Variants in DOK6 observed in about 807,000 individuals in gnomAD.
The protein encoded by DOK6 is docking protein 6.
A neutral mutation model predicts 44.0 loss-of-function variants in DOK6; 22 were observed. That is an observed-to-expected ratio of 0.50 (90% confidence interval 0.36 to 0.71). The LOEUF is 0.71. Ranked by LOEUF, DOK6 falls within the 30% of genes least tolerant of loss-of-function variation. The pLI, the probability that DOK6 is intolerant of heterozygous loss-of-function variation, is 0.00. For synonymous variants in DOK6, 166 were observed against 145.5 expected (o/e 1.14, Z -1.01); for missense variants, 340 against 416.4 (o/e 0.82, Z 1.60).
chr18:69,513,515 C>A (rs545751480), intron 1 of DOK6, among the ~76,000 whole-genome samples: 1 of 152,304 alleles, frequency 6.6e-6, no homozygotes, highest in East Asian at 1.9e-4. Context: ...AAAAAGATAA[C>A]CCTTTGTTTT....
At chr18:69,785,607 G>C (rs886870064) in intron 7 of DOK6, among the ~76,000 whole-genome samples, 2 of 152,110 alleles carry the variant, frequency 1.3e-5, no homozygotes, top group Non-Finnish European at 2.9e-5. Context: ...TTTTCCATTA[G>C]TTCATGGGTA....
chr18:69,717,722 C>T (rs370476969), intron 5 of DOK6, among the ~76,000 whole-genome samples: 111 of 152,256 alleles, frequency 7.3e-4, no homozygotes, highest in African/African-American at 2.6e-3. Context: ...AGCTGTGCCT[C>T]CTGATCTGAT....
intron 3 of DOK6, among the ~76,000 whole-genome samples, chr18:69,650,217 T>A (rs1210620390): frequency 6.6e-6 from 1 of 152,182 alleles, no homozygotes; most frequent in Non-Finnish European, 1.5e-5. Context: ...CGTGGTTGGT[T>A]GATTTTATGT....
intron 2 of DOK6, among the ~76,000 whole-genome samples, chr18:69,578,132 T>A (rs1983281460): frequency 6.6e-6 from 1 of 152,154 alleles, no homozygotes; most frequent in Non-Finnish European, 1.5e-5. Flanking sequence ...TGGGATTGAC[T>A]TAGAGTATAT....
At chr18:69,443,783 T>C (rs1979202035) in intron 1 of DOK6, among the ~76,000 whole-genome samples, 1 of 152,156 alleles carries the variant, frequency 6.6e-6, no homozygotes, top group Non-Finnish European at 1.5e-5. Context: ...TATTTAGACA[T>C]AGACCCATAG....
intron 4 of DOK6, among the ~76,000 whole-genome samples, chr18:69,697,537 C>T (rs1986415341): frequency 6.6e-6 from 1 of 151,872 alleles, no homozygotes; most frequent in African/African-American, 2.4e-5. Flanking sequence ...AGATATGGTG[C>T]TAGGAACTAG....
chr18:69,630,320 G>T (rs1984661073), intron 3 of DOK6, among the ~76,000 whole-genome samples: 1 of 151,934 alleles, frequency 6.6e-6, no homozygotes, highest in African/African-American at 2.4e-5. Flanking sequence ...TGATTCCATT[G>T]TTCCTTTTAT....
At chr18:69,568,988 T>C (rs1413779377) in intron 2 of DOK6, among the ~76,000 whole-genome samples, 1 of 151,996 alleles carries the variant, frequency 6.6e-6, no homozygotes, top group Non-Finnish European at 1.5e-5. Context: ...GTAATAATAG[T>C]AGAAATGAAG....
intron 6 of DOK6, among the ~76,000 whole-genome samples, chr18:69,742,578 T>C (rs1788081673): frequency 6.6e-6 from 1 of 152,144 alleles, no homozygotes; most frequent in Non-Finnish European, 1.5e-5. Flanking sequence ...AAATTAATAT[T>C]AACTGACAAC....
chr18:69,730,794 G>A (rs1022787701), intron 5 of DOK6, among the ~76,000 whole-genome samples: 3 of 151,994 alleles, frequency 2.0e-5, no homozygotes, highest in Non-Finnish European at 4.4e-5. Flanking sequence ...TTTAATTTCT[G>A]TTTCAAAATG....
chr18:69,546,552 T>C (rs1032866931), intron 1 of DOK6, among the ~76,000 whole-genome samples: 4 of 151,602 alleles, frequency 2.6e-5, no homozygotes, highest in African/African-American at 9.7e-5. Context: ...ATAAAATAAA[T>C]ATATTTAGAT....
chr18:69,837,329 C>G (rs1408979972), intron 7 of DOK6, among the ~76,000 whole-genome samples: 1 of 152,048 alleles, frequency 6.6e-6, no homozygotes, highest in African/African-American at 2.4e-5. Context: ...CAAGAAGGAG[C>G]AGAACTCACT....
intron 3 of DOK6, among the ~76,000 whole-genome samples, chr18:69,642,944 A>G (rs567670388): frequency 6.6e-6 from 1 of 152,346 alleles, no homozygotes; most frequent in East Asian, 1.9e-4. Context: ...TAGCACACTG[A>G]TGATTGCAAA....
At chr18:69,544,062 G>C (rs1409240107) in intron 1 of DOK6, among the ~76,000 whole-genome samples, 1 of 149,570 alleles carries the variant, frequency 6.7e-6, no homozygotes, top group African/African-American at 2.4e-5. Flanking sequence ...TTTGAGACCA[G>C]CCTGGCCAAC....
intron 2 of DOK6, among the ~76,000 whole-genome samples, chr18:69,588,479 A>G (rs994333052): frequency 6.6e-6 from 1 of 152,168 alleles, no homozygotes; most frequent in African/African-American, 2.4e-5. Flanking sequence ...ATAGGGCAGC[A>G]GCACTAGAGA....
intron 2 of DOK6, among the ~76,000 whole-genome samples, chr18:69,576,295 TGTGA>T (rs368623944): frequency 3.2e-4 from 48 of 152,294 alleles, no homozygotes; most frequent in African/African-American, 1.1e-3. Context: ...CTGTTCTATT[TGTGA>T]GTGTTTAAAT....
chr18:69,538,453 A>G (rs8089233), intron 1 of DOK6, among the ~76,000 whole-genome samples: 36,562 of 151,436 alleles, frequency 0.24, 6,220 homozygotes, highest in African/African-American at 0.47. Context: ...TGTGAACACA[A>G]CTCCCTGCAG....
chr18:69,525,957 G>A (rs1224657412), intron 1 of DOK6, among the ~76,000 whole-genome samples: 2 of 152,010 alleles, frequency 1.3e-5, no homozygotes, highest in Non-Finnish European at 2.9e-5. Context: ...TTGATAAGCA[G>A]TGATCTATAC....
At chr18:69,764,715 T>C (rs1217577051) in intron 7 of DOK6, among the ~76,000 whole-genome samples, 4 of 152,226 alleles carry the variant, frequency 2.6e-5, no homozygotes, top group East Asian at 1.9e-4. Context: ...CTAATACATA[T>C]GATAATCCCT....
Sources: gnomAD v4.1 joint callset for allele counts (sites outside exome capture counted in the v4.1 genomes callset) on GRCh38, gnomAD v4.1.1 for gene constraint, MANE v1.5 for transcripts, NCBI Gene and HGNC (gene_info 2026-07-23, HGNC 2026-07-21) for gene names.